Variants in EXOSC10 observed in about 807,000 individuals in gnomAD.
The protein encoded by EXOSC10 is exosome complex component 10.
Under a neutral mutation model 126.6 loss-of-function variants are expected in EXOSC10, and 94 were observed. That is an observed-to-expected ratio of 0.74 (90% CI 0.63 to 0.88). The LOEUF is 0.88. Among genes scored for constraint, EXOSC10 ranks in the 40% least tolerant of loss-of-function variants. The probability of loss-of-function intolerance (pLI) is 0.00; values close to 1 mark genes in which losing one functional copy is unlikely to be tolerated. For missense variants in EXOSC10, 1,041 were observed against 1,100.5 expected (o/e 0.95, Z 0.77); for synonymous variants, 395 against 400.8 (o/e 0.99, Z 0.17).
chr1:11,076,762 C>T, intron 17 of EXOSC10, 80 bp downstream of exon 17: 1 of 1,108,632 alleles, frequency 9.0e-7, no homozygotes, highest in Non-Finnish European at 1.4e-6. Context: ...ATGCAATGCT[C>T]CAGGCAGACA....
At chr1:11,097,561 C>T (rs1220123785) in intron 2 of EXOSC10, among the ~76,000 whole-genome samples, 1 of 151,564 alleles carries the variant, frequency 6.6e-6, no homozygotes, top group African/African-American at 2.4e-5. Context: ...CCTGTCTCTA[C>T]TAAAAATACA....
intron 3 of EXOSC10, 135 bp downstream of exon 3, chr1:11,095,621 GGA>G (rs765715524): frequency 1.8e-5 from 13 of 715,088 alleles, no homozygotes; most frequent in Non-Finnish European, 2.5e-5. Context: ...GGCTGAGGCA[GGA>G]GAGTGTTGTG....
chr1:11,076,588 A>T (rs1313742254), intron 17 of EXOSC10, among the ~76,000 whole-genome samples: 4 of 152,180 alleles, frequency 2.6e-5, no homozygotes, highest in African/African-American at 4.8e-5. Flanking sequence ...CAACAACAGG[A>T]CGTCAGCCTT....
At chr1:11,079,661 T>G in intron 14 of EXOSC10, 50 bp downstream of exon 14, 3,049 of 1,423,002 alleles carry the variant, frequency 2.1e-3, no homozygotes, top group Non-Finnish European at 2.7e-3. Flanking sequence ...CCCAAAGTGC[T>G]GAGATTATAG....
chr1:11,087,716 C>A, intron 8 of EXOSC10, 84 bp downstream of exon 8: 2 of 1,462,652 alleles, frequency 1.4e-6, no homozygotes, highest in Non-Finnish European at 1.9e-6. Flanking sequence ...AAAAAAATTA[C>A]AATTAGTATT....
At chr1:11,071,118 T>G in intron 20 of EXOSC10, 145 bp from the exon 21 acceptor site, 1 of 668,980 alleles carries the variant, frequency 1.5e-6, no homozygotes, top group Non-Finnish European at 2.6e-6. Context: ...CCCCCATCTC[T>G]GCAGGACAGG....
At chr1:11,095,566 T>C (rs1362713829) in intron 3 of EXOSC10, 192 bp downstream of exon 3, 2 of 426,370 alleles carry the variant, frequency 4.7e-6, no homozygotes, top group East Asian at 4.3e-5. Flanking sequence ...ACAAAAAAAT[T>C]AGCCAGGTGT....
intron 4 of EXOSC10, 138 bp from the exon 5 acceptor site, chr1:11,091,317 G>A: frequency 1.0e-6 from 1 of 989,246 alleles, no homozygotes; most frequent in Non-Finnish European, 1.5e-6. Context: ...TGCATGTAGA[G>A]GTCTCCAGAA....
chr1:11,090,651 G>A lies in EXOSC10; in HGVS notation c.661C>T (p.Arg221Trp), dbSNP rs1435342830. The change falls in exon 6 of 25, where the codon CGG becomes TGG. Residue 221 changes from arginine to tryptophan, a missense_variant. By Grantham distance (101) the Arg-to-Trp change is moderately radical. Coordinates refer to ENST00000376936, the MANE Select transcript of EXOSC10 (RefSeq NM_001001998.3). ...TCAGGACGATCCTGTGGGCGTTCCC[G>A]CCTTTCCTTAGAGAGAGCTGGGGAT... is the stretch of plus-strand genomic sequence containing the variant. ...PLPQALSKER[R>W]ERPQDRPEDL... 6 of 1,611,100 alleles carry A rather than the reference G, an allele frequency of 3.7e-6. No individual in the cohort carries two copies. The highest frequency in any genetic ancestry group is 5.1e-6 in the Non-Finnish European group (6 of 1,178,740).
At chr1:11,099,618 T>A in intron 1 of EXOSC10, 103 bp downstream of exon 1, 1 of 1,318,030 alleles carries the variant, frequency 7.6e-7, no homozygotes, top group Non-Finnish European at 1.0e-6. Flanking sequence ...CGACCCTCGC[T>A]CGGGCTCCAC....
chr1:11,097,275 G>C (rs1641159939), intron 2 of EXOSC10, among the ~76,000 whole-genome samples: 1 of 152,078 alleles, frequency 6.6e-6, no homozygotes, highest in Non-Finnish European at 1.5e-5. Flanking sequence ...CTACTCGGGA[G>C]GCTGAGGCAG....
intron 9 of EXOSC10, among the ~76,000 whole-genome samples, chr1:11,087,102 T>C (rs1293474305): frequency 6.6e-6 from 1 of 152,220 alleles, no homozygotes; most frequent in Non-Finnish European, 1.5e-5. Context: ...TCTACACTCC[T>C]GATTCCATAC....
intron 6 of EXOSC10, 31 bp downstream of exon 6, chr1:11,090,523 G>A (rs765797493): frequency 1.4e-5 from 22 of 1,558,838 alleles, no homozygotes; most frequent in African/African-American, 5.4e-5. Context: ...AAGTACTCAC[G>A]GCAGAAAGTC....
In EXOSC10 at chr1:11,081,207, G is replaced by A. The variant is rs776918924; in HGVS notation, c.1312C>T (p.Arg438Trp). The A allele has an allele frequency of 9.3e-6, 15 of 1,614,138 alleles. No individual in the cohort carries two copies. Among genetic ancestry groups the A allele is most frequent in the South Asian group, 4.4e-5 (4 of 91,084 alleles). The change falls in exon 11 of 25, where the codon CGG (arginine) becomes TGG (tryptophan). Residue 438 changes from arginine to tryptophan, a missense_variant. By Grantham distance (101) the Arg-to-Trp change is moderately radical. This residue lies in a region of EXOSC10 where 645 missense variants were observed against 656.3 expected (regional missense o/e 0.98). Transcript: ENST00000376936. ...PLPEEMLSYARDDTHYLLYIY... is the reference protein window; with the variant it reads ...PLPEEMLSYAWDDTHYLLYIY... Reference sequence around the variant, plus strand: ...TATAGCAGGTAATGGGTGTCATCCCGGGCGTAGCTGAGCATCTCCTCGGGC... The same window carrying A: ...TATAGCAGGTAATGGGTGTCATCCCAGGCGTAGCTGAGCATCTCCTCGGGC...
intron 14 of EXOSC10, among the ~76,000 whole-genome samples, chr1:11,078,264 C>CTTTT (rs1220119181): frequency 7.0e-6 from 1 of 143,668 alleles, no homozygotes; most frequent in African/African-American, 2.6e-5. Context: ...GACCCTGTTT[C>CTTTT]TTTTTTTTTT....
chr1:11,070,864 T>G, intron 21 of EXOSC10, 36 bp downstream of exon 21: 10 of 1,592,428 alleles, frequency 6.3e-6, no homozygotes, highest in Non-Finnish European at 8.6e-6. Context: ...AGGGGCATCG[T>G]TTTTCAAAGG....
In EXOSC10 at chr1:11,073,941, A is replaced by C. The variant is rs775018603; in HGVS notation, c.2150T>G (p.Ile717Ser). The part of the protein sequence containing the change: ...QAAKFDPSTK[I>S]YEISNRWKLA... ...GGTGACAAGTCCACTTACTTCATAG[A>C]TTTTGGTTGATGGATCGAACTTCGC... is the stretch of plus-strand genomic sequence containing the variant. The change falls in exon 19 of 25, where the codon ATC becomes AGC. Residue 717 changes from isoleucine (I) to serine (S), a missense_variant. Transcript: ENST00000376936. 8.1e-6 allele frequency: 13 copies of C among 1,606,846 alleles called. No individual in the cohort carries two copies. The highest frequency in any genetic ancestry group is 1.1e-5 in the Non-Finnish European group (13 of 1,174,432).
intron 9 of EXOSC10, among the ~76,000 whole-genome samples, chr1:11,086,421 A>T (rs144628044): frequency 0.019 from 2,852 of 152,292 alleles, 90 homozygotes; most frequent in Admixed American, 0.069. Flanking sequence ...AGGTGTTTGT[A>T]GTAATCTCTG....
At chr1:11,079,846 C>T in intron 13 of EXOSC10, 24 bp from the exon 14 acceptor site, 3 of 1,562,304 alleles carry the variant, frequency 1.9e-6, no homozygotes, top group Non-Finnish European at 1.8e-6. Context: ...AGAACACACT[C>T]AACTTGTCAC....
Sources: allele counts gnomAD v4.1 joint callset (sites outside exome capture counted in the v4.1 genomes callset), GRCh38; gene constraint gnomAD v4.1.1; regional missense constraint gnomAD v4.1.1; transcripts MANE v1.5; gene names NCBI Gene and HGNC (gene_info 2026-07-23, HGNC 2026-07-21).